Variants in GDNF observed in about 807,000 individuals in gnomAD.
GDNF encodes glial cell derived neurotrophic factor, also known as glial cell line-derived neurotrophic factor.
A neutral mutation model predicts 13.7 loss-of-function variants in GDNF; 5 were observed. That is an observed-to-expected ratio of 0.36 (90% CI 0.19 to 0.77). The LOEUF is 0.77. Among genes scored for constraint, GDNF ranks in the 30% least tolerant of loss-of-function variants. GDNF has a pLI of 0.51. For missense variants in GDNF, 246 were observed against 274.3 expected (o/e 0.90, Z 0.73); for synonymous variants, 122 against 112.5 (o/e 1.08, Z -0.53).
At chr5:37,829,389 C>T (rs1001646422) in intron 2 of GDNF, among the ~76,000 whole-genome samples, 180 of 152,266 alleles carry the variant, frequency 1.2e-3, no homozygotes, top group African/African-American at 4.2e-3. Context: ...ACCACACATG[C>T]GTACAGCTCA....
chr5:37,827,676 G>A (rs1225210051), intron 2 of GDNF, among the ~76,000 whole-genome samples: 1 of 152,180 alleles, frequency 6.6e-6, no homozygotes, highest in Non-Finnish European at 1.5e-5. Context: ...TTGTCATGGG[G>A]TGTATATTAA....
At chr5:37,832,839 C>T (rs1554021487) in intron 2 of GDNF, among the ~76,000 whole-genome samples, 1 of 152,210 alleles carries the variant, frequency 6.6e-6, no homozygotes, top group South Asian at 2.1e-4. Context: ...ATCAGAATCT[C>T]CTGGGGTGAG....
At chr5:37,833,852 G>A (rs575661534) in intron 2 of GDNF, among the ~76,000 whole-genome samples, 1 of 152,308 alleles carries the variant, frequency 6.6e-6, no homozygotes, top group African/African-American at 2.4e-5. Context: ...AAGCTTCTGA[G>A]GAGTGGAGGG....
At chr5:37,824,379 C>T (rs1047078797) in intron 2 of GDNF, 3 of 152,326 alleles carry the variant, frequency 2.0e-5, no homozygotes, top group Non-Finnish European at 4.4e-5. Context: ...GACTCCAAGG[C>T]TAGAATTGCC....
At chr5:37,828,120 C>T (rs1750392042) in intron 2 of GDNF, among the ~76,000 whole-genome samples, 2 of 152,192 alleles carry the variant, frequency 1.3e-5, no homozygotes, top group South Asian at 4.1e-4. Context: ...CTGAGGCCAT[C>T]GCTCTGGCAC....
chr5:37,815,829 T>C lies in GDNF; in HGVS notation c.458A>G (p.Glu153Gly). The change falls in exon 3 of 3, where the codon GAG becomes GGG. Residue 153 changes from glutamate to glycine, a missense_variant. Glu to Gly is a moderately conservative substitution (Grantham distance 98). Coordinates refer to ENST00000326524, the MANE Select transcript of GDNF (RefSeq NM_000514.4). The surrounding 1 kb of genome is among the most constrained non-coding windows in gnomAD (Gnocchi z 5.0). ...RYCSGSCDAA[E>G]TTYDKILKNL... ...TTTCAATATTTTGTCGTACGTTGTCTCAGCTGCATCGCAAGAGCCGCTGCA... is the reference window on the plus strand; with the variant it reads ...TTTCAATATTTTGTCGTACGTTGTCCCAGCTGCATCGCAAGAGCCGCTGCA... The C allele has an allele frequency of 6.2e-7, 1 of 1,614,152 alleles. No homozygotes were observed.
chr5:37,817,066 C>T (rs1007106422), intron 2 of GDNF, among the ~76,000 whole-genome samples: 1 of 152,218 alleles, frequency 6.6e-6, no homozygotes, highest in Admixed American at 6.5e-5. Context: ...GGTCCAGCCT[C>T]AGCTGCAAGC....
rs2111615988 is a variant in GDNF at position 37,813,791 on chromosome 5, G to C, written c.*1860C>G. ...TTGCCCAAGCTGGTCTCAAACTCCTGGGTTCAAGAGATCCTCCCACCTTGG... is the reference window on the plus strand; with the variant it reads ...TTGCCCAAGCTGGTCTCAAACTCCTCGGTTCAAGAGATCCTCCCACCTTGG... On this transcript the variant is annotated 3_prime_UTR_variant, in exon 3 of 3. Transcript: ENST00000326524. The C allele has an allele frequency of 6.5e-6, 1 of 152,936 alleles. No homozygotes were observed. Among genetic ancestry groups the C allele is most frequent in the African/African-American group, 2.4e-5 (1 of 41,520 alleles). The allele number at this position is 152,936 out of a possible 1,614,324, so 9.5% of individuals were successfully genotyped here.
chr5:37,827,019 C>T (rs1035814530), intron 2 of GDNF, among the ~76,000 whole-genome samples: 5 of 152,170 alleles, frequency 3.3e-5, no homozygotes, highest in African/African-American at 4.8e-5. Context: ...GGATGTTTCC[C>T]TACATCTAAT....
In GDNF at chr5:37,814,554, C is replaced by T. The variant is rs1202714375; in HGVS notation, c.*1097G>A. 2 of 152,156 alleles carry T rather than the reference C, an allele frequency of 1.3e-5. No individual in the cohort carries two copies. Among genetic ancestry groups the T allele is most frequent in the African/African-American group, 4.8e-5 (2 of 41,430 alleles). The allele number at this position is 152,156 out of a possible 1,614,324, so 9.4% of individuals were successfully genotyped here. On this transcript the variant is annotated 3_prime_UTR_variant, in exon 3 of 3. Coordinates refer to ENST00000326524, the MANE Select transcript of GDNF (RefSeq NM_000514.4). ...TTTGAAAAGCATGGACCCTTGTTCC[C>T]AATTCAAATTTCCTTTTGTCACCTT... is the stretch of plus-strand genomic sequence containing the variant.
chr5:37,822,524 C>T (rs1238300757), intron 2 of GDNF, among the ~76,000 whole-genome samples: 2 of 152,164 alleles, frequency 1.3e-5, no homozygotes, highest in Non-Finnish European at 2.9e-5. Flanking sequence ...GGATGCTGCA[C>T]CTGCGGCTGC....
At chr5:37,829,048 A>C (rs945605477) in intron 2 of GDNF, among the ~76,000 whole-genome samples, 1 of 152,246 alleles carries the variant, frequency 6.6e-6, no homozygotes, top group Non-Finnish European at 1.5e-5. Context: ...TGGGTGCCCC[A>C]CTGCTATCAA....
intron 2 of GDNF, among the ~76,000 whole-genome samples, chr5:37,818,402 T>A (rs537193514): frequency 6.6e-6 from 1 of 152,340 alleles, no homozygotes; most frequent in South Asian, 2.1e-4. Flanking sequence ...TGCCTGCCTA[T>A]GCCCTCTTGC....
intron 2 of GDNF, among the ~76,000 whole-genome samples, chr5:37,827,086 A>G (rs1284044919): frequency 6.6e-6 from 1 of 152,238 alleles, no homozygotes; most frequent in Admixed American, 6.5e-5. Flanking sequence ...AACAGCTAGC[A>G]AAAGAGCCCA....
At position 37,818,604 on chromosome 5, in the gene GDNF, A is replaced by G. The variant is rs188930760; in HGVS notation, c.152-2469T>C. On this transcript the variant is annotated intron_variant, in intron 2 of 2. Coordinates refer to ENST00000326524, the MANE Select transcript of GDNF (RefSeq NM_000514.4). Reference sequence around the variant, plus strand: ...CATAGCATCCCCCATCCTAGTCATGACAGATCAAGGTATCTCTGGATATTG... The same window carrying G: ...CATAGCATCCCCCATCCTAGTCATGGCAGATCAAGGTATCTCTGGATATTG... Among the ~76,000 whole-genome samples the G allele has an allele frequency of 5.1e-4, 77 of 152,314 alleles. 1 individual carries two copies. In the Middle Eastern group the frequency reaches 0.017, roughly 34 times the overall value.
At chr5:37,834,616 G>GC (rs776957404) in intron 2 of GDNF, 30 bp downstream of exon 2, 55 of 1,420,860 alleles carry the variant, frequency 3.9e-5, no homozygotes, top group South Asian at 3.2e-4. Context: ...TCCGCCGGCG[G>GC]CCCCCCCGCG....
At chr5:37,830,605 T>A (rs564338674) in intron 2 of GDNF, among the ~76,000 whole-genome samples, 1 of 152,282 alleles carries the variant, frequency 6.6e-6, no homozygotes, top group Admixed American at 6.5e-5. Context: ...CTGGCAGATG[T>A]CGTAGCGGAA....
In GDNF at chr5:37,815,708, A is replaced by G; in HGVS notation, c.579T>C (p.Asp193=). Residue 193 remains aspartate (D), a synonymous_variant, in exon 3 of 3, where the codon GAT becomes GAC. Coordinates refer to ENST00000326524, the MANE Select transcript of GDNF (RefSeq NM_000514.4). This position sits in a 1 kb window ranked among gnomAD's most constrained non-coding sequence, Gnocchi z 5.0. ...TTCTTAGAATATGGTAAACCAGGTTATCATCTAAAAACGACAGGTCATCAT... is the reference window on the plus strand; with the variant it reads ...TTCTTAGAATATGGTAAACCAGGTTGTCATCTAAAAACGACAGGTCATCAT... The part of the protein sequence containing the change: ...AFDDDLSFLD[D]NLVYHILRKH... 1 of 1,613,786 alleles carries G rather than the reference A, an allele frequency of 6.2e-7. No individual in the cohort carries two copies. The highest frequency in any genetic ancestry group is 1.6e-4 in the Middle Eastern group (1 of 6,062).
In GDNF at chr5:37,822,709, T is replaced by C. The variant is rs148624645; in HGVS notation, c.152-6574A>G. 3.3e-5 allele frequency among the ~76,000 whole-genome samples: 5 copies of C among 152,300 alleles called. No individual in the cohort carries two copies. In the East Asian group the frequency reaches 5.8e-4, roughly 18 times the overall value. On this transcript the variant is annotated intron_variant, in intron 2 of 2. Coordinates refer to ENST00000326524, the MANE Select transcript of GDNF (RefSeq NM_000514.4). ...CTACAGGCCAAGTATCTGAAAAATATAGAGATCTCTCTCGATCTATAAACA... is the reference window on the plus strand; with the variant it reads ...CTACAGGCCAAGTATCTGAAAAATACAGAGATCTCTCTCGATCTATAAACA...
Sources: allele counts gnomAD v4.1 joint callset (sites outside exome capture counted in the v4.1 genomes callset), GRCh38; gene constraint gnomAD v4.1.1; non-coding constraint Gnocchi (gnomAD v3.1); transcripts MANE v1.5; gene names NCBI Gene and HGNC (gene_info 2026-07-23, HGNC 2026-07-21).